The following NOS1AP variants were observed in gnomAD, a reference collection of about 807,000 sequenced individuals.
NOS1AP encodes the protein nitric oxide synthase 1 adaptor protein.
A neutral mutation model predicts 56.2 loss-of-function variants in NOS1AP; 21 were observed. That is an observed-to-expected ratio of 0.37 (90% CI 0.26 to 0.54). The LOEUF is 0.54. Ranked by LOEUF, NOS1AP falls within the 20% of genes least tolerant of loss-of-function variation. The pLI, the probability that NOS1AP is intolerant of heterozygous loss-of-function variation, is 0.84. For synonymous variants in NOS1AP, 270 were observed against 274.6 expected, an observed-to-expected ratio of 0.98 and a Z score of 0.17; for missense variants, 522 against 657.8, an observed-to-expected ratio of 0.79 and a Z score of 2.26.
intron 2 of NOS1AP, among the ~76,000 whole-genome samples, chr1:162,164,666 T>G (rs1190232334): frequency 2.0e-5 from 3 of 152,238 alleles, no homozygotes; most frequent in Non-Finnish European, 4.4e-5. Context: ...CTAAGGTACA[T>G]GCATGCTGTG....
intron 4 of NOS1AP, chr1:162,317,447 C>T (rs1656267358): frequency 6.6e-6 from 1 of 152,090 alleles, no homozygotes; most frequent in Admixed American, 6.6e-5. Flanking sequence ...AAGAGTTAAA[C>T]CTAAATTTCT....
chr1:162,339,838 G>A (rs1487660239), intron 5 of NOS1AP, among the ~76,000 whole-genome samples: 1 of 152,224 alleles, frequency 6.6e-6, no homozygotes, highest in Non-Finnish European at 1.5e-5. Context: ...AGATGGTGAA[G>A]ACACAGCCCC....
At chr1:162,352,160 C>T (rs143316922) in intron 6 of NOS1AP, among the ~76,000 whole-genome samples, 2,954 of 152,104 alleles carry the variant, frequency 0.019, 63 homozygotes, top group South Asian at 0.039. Flanking sequence ...CCTGGGTTCA[C>T]GCAATTCTCC....
At chr1:162,099,088 C>T (rs781433336) in intron 1 of NOS1AP, among the ~76,000 whole-genome samples, 4 of 152,196 alleles carry the variant, frequency 2.6e-5, no homozygotes, top group Non-Finnish European at 5.9e-5. Flanking sequence ...GGAACTGCCA[C>T]ACTGCCTTCC....
chr1:162,260,705 T>A (rs1309935562), intron 2 of NOS1AP, among the ~76,000 whole-genome samples: 1 of 152,150 alleles, frequency 6.6e-6, no homozygotes, highest in African/African-American at 2.4e-5. Flanking sequence ...CACACCCACC[T>A]TTTTTTGCTG....
intron 2 of NOS1AP, among the ~76,000 whole-genome samples, chr1:162,286,430 G>A (rs536650912): frequency 2.6e-4 from 39 of 152,162 alleles, no homozygotes; most frequent in Non-Finnish European, 4.6e-4. Context: ...TTTGCTAGGC[G>A]GTGATAGTAA....
At chr1:162,318,043 G>T (rs991886099) in intron 4 of NOS1AP, among the ~76,000 whole-genome samples, 1 of 152,204 alleles carries the variant, frequency 6.6e-6, no homozygotes, top group African/African-American at 2.4e-5. Flanking sequence ...CACCTTAGTG[G>T]CAGGTTCATA....
chr1:162,098,549 G>A (rs548020044), intron 1 of NOS1AP, among the ~76,000 whole-genome samples: 2 of 145,192 alleles, frequency 1.4e-5, no homozygotes, highest in East Asian at 4.6e-4. Flanking sequence ...TGTGCCAGAT[G>A]TCCAGGGTTT....
At chr1:162,298,015 G>A (rs754077685) in intron 3 of NOS1AP, among the ~76,000 whole-genome samples, 1 of 152,190 alleles carries the variant, frequency 6.6e-6, no homozygotes, top group Non-Finnish European at 1.5e-5. Context: ...ACAAAAGCCT[G>A]CTCTCTCCAG....
chr1:162,252,352 A>G (rs1653892834), intron 2 of NOS1AP, among the ~76,000 whole-genome samples: 3 of 152,112 alleles, frequency 2.0e-5, no homozygotes, highest in Admixed American at 2.0e-4. Context: ...CATCCAGCCC[A>G]GGGGGTGGAT....
chr1:162,156,463 A>G (rs571096373), intron 2 of NOS1AP, among the ~76,000 whole-genome samples: 2 of 152,238 alleles, frequency 1.3e-5, no homozygotes, highest in African/African-American at 4.8e-5. Context: ...GATAGAAAGC[A>G]CAGAGGCCTC....
intron 2 of NOS1AP, among the ~76,000 whole-genome samples, chr1:162,249,408 G>A (rs1330490113): frequency 6.6e-6 from 1 of 152,174 alleles, no homozygotes; most frequent in Non-Finnish European, 1.5e-5. Context: ...GTCACGAAGA[G>A]AATCCTGAAA....
chr1:162,191,301 C>T (rs1263392154), intron 2 of NOS1AP, among the ~76,000 whole-genome samples: 7 of 152,182 alleles, frequency 4.6e-5, no homozygotes, highest in Non-Finnish European at 1.0e-4. Context: ...TGCCCTGGCC[C>T]CACTTGCTTC....
At chr1:162,347,253 GA>G (rs1286909057) in intron 6 of NOS1AP, among the ~76,000 whole-genome samples, 1 of 152,210 alleles carries the variant, frequency 6.6e-6, no homozygotes, top group African/African-American at 2.4e-5. Flanking sequence ...TTGGTGGCCT[GA>G]TTGGCAGAGA....
intron 1 of NOS1AP, among the ~76,000 whole-genome samples, chr1:162,150,226 C>T: frequency 6.6e-6 from 1 of 152,150 alleles, no homozygotes; most frequent in South Asian, 2.1e-4. Flanking sequence ...TAAGTGAAAA[C>T]ATGTGAAGTT....
At chr1:162,140,855 G>A (rs1009223814) in intron 1 of NOS1AP, among the ~76,000 whole-genome samples, 7 of 152,084 alleles carry the variant, frequency 4.6e-5, no homozygotes, top group Non-Finnish European at 1.0e-4. Flanking sequence ...GGTGTGAGAT[G>A]GTATCTCACT....
intron 1 of NOS1AP, among the ~76,000 whole-genome samples, chr1:162,108,908 A>C (rs1203714352): frequency 6.6e-6 from 1 of 152,204 alleles, no homozygotes; most frequent in Non-Finnish European, 1.5e-5. Context: ...ACTGCTAATA[A>C]AGACATACTG....
At chr1:162,158,346 A>C (rs531650366) in intron 2 of NOS1AP, among the ~76,000 whole-genome samples, 1 of 152,182 alleles carries the variant, frequency 6.6e-6, no homozygotes, top group Non-Finnish European at 1.5e-5. Context: ...AGGCTGCTTA[A>C]TATTCCATAG....
intron 2 of NOS1AP, among the ~76,000 whole-genome samples, chr1:162,234,762 C>G (rs1653231390): frequency 1.3e-5 from 2 of 152,202 alleles, no homozygotes; most frequent in African/African-American, 2.4e-5. Context: ...TCACAGTGCT[C>G]TGTTGCAGGA....
Sources: allele counts gnomAD v4.1 joint callset (sites outside exome capture counted in the v4.1 genomes callset), GRCh38; gene constraint gnomAD v4.1.1; transcripts MANE v1.5; gene names NCBI Gene and HGNC (gene_info 2026-07-23, HGNC 2026-07-21).